TMC2: variants seen among roughly 807,000 people sequenced by gnomAD.
TMC2 encodes transmembrane channel like 2, also known as transmembrane channel-like protein 2.
A neutral mutation model predicts 105.9 loss-of-function variants in TMC2; 102 were observed. That is an observed-to-expected ratio of 0.96 (90% confidence interval 0.82 to 1.14). TMC2 has a LOEUF of 1.14. Ranked by LOEUF, TMC2 falls within the 50% of genes most tolerant of loss-of-function variation. The pLI is 0.00. For missense variants in TMC2, 1,093 were observed against 1,134.3 expected, an observed-to-expected ratio of 0.96 and a Z score of 0.52; for synonymous variants, 402 against 422.8, an observed-to-expected ratio of 0.95 and a Z score of 0.60.
At position 2,624,353 on chromosome 20, in the gene TMC2, C is replaced by T. The variant is rs530517610; in HGVS notation, c.2263C>T (p.Leu755Phe). The T allele has an allele frequency of 6.2e-7, 1 of 1,614,150 alleles. No homozygotes were observed. Among genetic ancestry groups the T allele is most frequent in the Non-Finnish European group, 8.5e-7 (1 of 1,180,028 alleles). The change falls in exon 17 of 20, where the codon CTC becomes TTC. Residue 755 changes from leucine (L) to phenylalanine (F), a missense_variant. Physicochemically the swap from Leu to Phe is conservative, Grantham distance 22. Transcript: ENST00000358864. Reference sequence around the variant, plus strand: ...CTTCCTGGGCAAGATCTTTGCTTTCCTCGCCAATCCAGGCCTGATCATCCC... The same window carrying T: ...CTTCCTGGGCAAGATCTTTGCTTTCTTCGCCAATCCAGGCCTGATCATCCC... ...PTFLGKIFAF[L>F]ANPGLIIPAI...
intron 4 of TMC2, among the ~76,000 whole-genome samples, chr20:2,570,805 T>C (rs1256931230): frequency 6.6e-6 from 1 of 152,114 alleles, no homozygotes; most frequent in Admixed American, 6.5e-5. Context: ...AACAGACACA[T>C]AGACCAATGG....
At chr20:2,633,652 T>C (rs1418778312) in intron 17 of TMC2, among the ~76,000 whole-genome samples, 6 of 152,206 alleles carry the variant, frequency 3.9e-5, no homozygotes, top group Non-Finnish European at 8.8e-5. Context: ...TCTCTGGGTC[T>C]GAGGATTTTA....
intron 8 of TMC2, among the ~76,000 whole-genome samples, chr20:2,594,337 C>T (rs541343612): frequency 6.7e-6 from 1 of 149,988 alleles, no homozygotes; most frequent in Non-Finnish European, 1.5e-5. Flanking sequence ...AAGTGATTCT[C>T]CTGCCTCAGC....
At chr20:2,538,013 T>TGG (rs1211995485) in intron 2 of TMC2, among the ~76,000 whole-genome samples, 1 of 152,066 alleles carries the variant, frequency 6.6e-6, no homozygotes, top group Non-Finnish European at 1.5e-5. Flanking sequence ...GATGGGGTTC[T>TGG]GGGGGGTTGG....
intron 19 of TMC2, among the ~76,000 whole-genome samples, chr20:2,638,904 A>T (rs931532314): frequency 8.6e-5 from 13 of 151,758 alleles, no homozygotes; most frequent in African/African-American, 2.9e-4. Flanking sequence ...AGAAAAAAAA[A>T]ATTTTTTTTG....
chr20:2,559,460 C>T (rs1027337117), intron 3 of TMC2, among the ~76,000 whole-genome samples: 2 of 152,172 alleles, frequency 1.3e-5, no homozygotes, highest in Non-Finnish European at 2.9e-5. Flanking sequence ...TAATAGGTGT[C>T]TCTCTCTTTG....
At position 2,595,034 on chromosome 20, in the gene TMC2, A is replaced by G. The variant is rs2086295689; in HGVS notation, c.1076+67A>G. 3 of 1,541,130 alleles carry G rather than the reference A, an allele frequency of 1.9e-6. No individual in the cohort carries two copies. In the Admixed American group the frequency reaches 5.5e-5, roughly 28 times the overall value. On this transcript the variant is annotated intron_variant, in intron 9 of 19. Transcript: ENST00000358864. The stretch of plus-strand genomic sequence containing the variant: ...CACAGCTCACTCCCCTGGCCACTCT[A>G]TGCCTACCTCCCTTCTGGTGGGGCA...
At position 2,558,442 on chromosome 20, in the gene TMC2, T is replaced by C. The variant is rs1360298950; in HGVS notation, c.83-14T>C. The C allele has an allele frequency of 6.4e-7, 1 of 1,551,974 alleles. No homozygotes were observed. The highest frequency in any genetic ancestry group is 2.0e-5 in the Admixed American group (1 of 51,170). ...CCGTTGGAACCAGAACTGTCCATTT[T>C]CCCGCCCCGGCAGGTGACAGGCTGG... On this transcript the variant is annotated splice_polypyrimidine_tract_variant and intron_variant, in intron 2 of 19. Coordinates refer to ENST00000358864, the MANE Select transcript of TMC2 (RefSeq NM_080751.3). This position sits in a 1 kb window ranked among gnomAD's most constrained non-coding sequence, Gnocchi z 4.6.
In TMC2 at chr20:2,616,123, C is replaced by G; in HGVS notation, c.1873-14C>G. On this transcript the variant is annotated splice_polypyrimidine_tract_variant and intron_variant, in intron 14 of 19. Transcript: ENST00000358864. This position sits in a 1 kb window ranked among gnomAD's most constrained non-coding sequence, Gnocchi z 4.8. ...TTTTTCTCTCTCTCTCTCGCTCCCTCCCTCCCTCTCTAGCCTTCATATGCT... is the reference window on the plus strand; with the variant it reads ...TTTTTCTCTCTCTCTCTCGCTCCCTGCCTCCCTCTCTAGCCTTCATATGCT... 5 of 1,608,878 alleles carry G rather than the reference C, an allele frequency of 3.1e-6. No individual in the cohort carries two copies. The South Asian group carries it at 5.5e-5, about 18-fold the overall frequency.
intron 5 of TMC2, among the ~76,000 whole-genome samples, chr20:2,577,260 C>T (rs947920385): frequency 1.1e-4 from 17 of 151,518 alleles, no homozygotes; most frequent in African/African-American, 4.1e-4. Flanking sequence ...AGGCTGGTTT[C>T]GAACTCATGA....
Position 2,558,516 on chromosome 20 carries a change from G to A in TMC2, c.143G>A (p.Gly48Asp). Reference sequence around the variant, plus strand: ...GCTCTCAAAGCCGAGGGGACCCCAGGCAGGCGCGGAGCTCAGCGAAGCCAG... The same window carrying A: ...GCTCTCAAAGCCGAGGGGACCCCAGACAGGCGCGGAGCTCAGCGAAGCCAG... Reference protein sequence around the residue: ...KRALKAEGTPGRRGAQRSQKE... With the variant: ...KRALKAEGTPDRRGAQRSQKE... Residue 48 changes from glycine to aspartate, a missense_variant, in exon 3 of 20, where the codon GGC becomes GAC. By Grantham distance (94) the Gly-to-Asp change is moderately conservative (BLOSUM62 -1). Coordinates refer to ENST00000358864, the MANE Select transcript of TMC2 (RefSeq NM_080751.3). The surrounding 1 kb of genome is among the most constrained non-coding windows in gnomAD (Gnocchi z 4.6). 2 of 1,556,956 alleles carry A rather than the reference G, an allele frequency of 1.3e-6. No individual in the cohort carries two copies. Among genetic ancestry groups the A allele is most frequent in the Non-Finnish European group, 1.7e-6 (2 of 1,150,432 alleles).
rs2085999520 is a variant in TMC2, at chr20:2,558,530, C to T, written c.157C>T (p.Gln53Ter). 6.4e-7 allele frequency: 1 copy of T among 1,554,744 alleles called. No homozygotes were observed. Among genetic ancestry groups the T allele is most frequent in the Non-Finnish European group, 8.7e-7 (1 of 1,149,090 alleles). ...AEGTPGRRGA[Q>*]RSQKERAGGS... ...GGGGACCCCAGGCAGGCGCGGAGCTCAGCGAAGCCAGAAGGAGCGCGCCGG... is the reference window on the plus strand; with the variant it reads ...GGGGACCCCAGGCAGGCGCGGAGCTTAGCGAAGCCAGAAGGAGCGCGCCGG... The change falls in exon 3 of 20, where the codon CAG becomes TAG. Residue 53 changes from glutamine (Q) to a stop codon, truncating the protein, a stop_gained. Transcript: ENST00000358864. LOFTEE classifies it high-confidence loss of function. This position sits in a 1 kb window ranked among gnomAD's most constrained non-coding sequence, Gnocchi z 4.6.
chr20:2,631,069 C>A (rs6076370), intron 17 of TMC2, among the ~76,000 whole-genome samples: 1 of 152,020 alleles, frequency 6.6e-6, no homozygotes, highest in Non-Finnish European at 1.5e-5. Flanking sequence ...TTAGTTCCCA[C>A]GTCATTTCTC....
intron 4 of TMC2, among the ~76,000 whole-genome samples, chr20:2,562,356 C>A (rs554431847): frequency 6.6e-6 from 1 of 152,368 alleles, no homozygotes; most frequent in East Asian, 1.9e-4. Context: ...TTTCTAGACC[C>A]CTTCTCCTCA....
At chr20:2,633,644 T>C (rs1161032676) in intron 17 of TMC2, among the ~76,000 whole-genome samples, 1 of 152,184 alleles carries the variant, frequency 6.6e-6, no homozygotes, top group East Asian at 1.9e-4. Flanking sequence ...ATGACAGTTC[T>C]CTGGGTCTGA....
At chr20:2,543,903 G>GTT (rs1555769797) in intron 2 of TMC2, among the ~76,000 whole-genome samples, 14 of 144,174 alleles carry the variant, frequency 9.7e-5, no homozygotes, top group Admixed American at 6.9e-5. Flanking sequence ...CTGCATGTCA[G>GTT]TTTTTTTTTT....
chr20:2,537,602 G>C (rs1450800030), intron 2 of TMC2, among the ~76,000 whole-genome samples: 1 of 152,162 alleles, frequency 6.6e-6, no homozygotes, highest in East Asian at 1.9e-4. Flanking sequence ...CAGAGGGCAG[G>C]GAAGCTCGGT....
intron 2 of TMC2, among the ~76,000 whole-genome samples, chr20:2,555,515 A>G (rs2085980371): frequency 6.6e-6 from 1 of 151,962 alleles, no homozygotes; most frequent in Non-Finnish European, 1.5e-5. Flanking sequence ...CTTTTAATCT[A>G]TAAGTCTGTT....
intron 16 of TMC2, among the ~76,000 whole-genome samples, chr20:2,620,108 G>A (rs913166191): frequency 3.3e-4 from 50 of 152,020 alleles, no homozygotes; most frequent in Non-Finnish European, 6.5e-4. Context: ...GAGAAGAGAA[G>A]AAAAAAACAG....
Sources: allele counts gnomAD v4.1 joint callset (sites outside exome capture counted in the v4.1 genomes callset), GRCh38; gene constraint gnomAD v4.1.1; non-coding constraint Gnocchi (gnomAD v3.1); transcripts MANE v1.5; gene names NCBI Gene and HGNC (gene_info 2026-07-23, HGNC 2026-07-21).